NRDC: variants seen among roughly 807,000 people sequenced by gnomAD.
NRDC encodes nardilysin.
In NRDC, 54 loss-of-function variants were observed where a neutral mutation model predicts 147.1. The observed-to-expected ratio is 0.37, with a 90% CI of 0.29 to 0.46. NRDC has a LOEUF of 0.46. Ranked by LOEUF, NRDC falls within the 20% of genes least tolerant of loss-of-function variation. The pLI, the probability that NRDC is intolerant of heterozygous loss-of-function variation, is 1.00. For missense variants in NRDC, 1,082 were observed against 1,370.6 expected, an observed-to-expected ratio of 0.79 and a Z score of 3.33; for synonymous variants, 440 against 482.1, an observed-to-expected ratio of 0.91 and a Z score of 1.14.
intron 5 of NRDC, among the ~76,000 whole-genome samples, chr1:51,827,501 G>A (rs1447742144): frequency 2.0e-5 from 3 of 152,108 alleles, no homozygotes; most frequent in African/African-American, 7.2e-5. Flanking sequence ...CCCTATATAA[G>A]CACATTCTTT....
chr1:51,802,404 A>C (rs1234869884), intron 20 of NRDC, among the ~76,000 whole-genome samples: 1 of 152,208 alleles, frequency 6.6e-6, no homozygotes, highest in Admixed American at 6.5e-5. Context: ...TTTTAATATT[A>C]AGGCTAAGTC....
rs1393584966 is a variant in NRDC, at chr1:51,821,685, A to T, written c.1160-130T>A. ...TATTTTAATTTGGCCATTACTTGCC[A>T]CTCCTGAACCAGTAATGGATGAACA... is the stretch of plus-strand genomic sequence containing the variant. On this transcript the variant is annotated intron_variant, in intron 7 of 30. Coordinates refer to ENST00000352171, the MANE Select transcript of NRDC (RefSeq NM_001101662.2). 3 of 639,430 alleles carry T rather than the reference A, an allele frequency of 4.7e-6. No homozygotes were observed. The African/African-American group carries it at 5.5e-5, about 12-fold the overall frequency. The allele number at this position is 639,430 out of a possible 1,614,324, so 39.6% of individuals were successfully genotyped here.
chr1:51,863,861 C>G lies in NRDC; in HGVS notation c.341+14414G>C, dbSNP rs753500626. ...TATACAGATGCTCCTCGACTTACAA[C>G]AGGGTTAGGTCCTGAAAAACCCATC... On this transcript the variant is annotated intron_variant, in intron 1 of 30. Transcript: ENST00000352171. Among the ~76,000 whole-genome samples, 5 of 152,200 alleles carry G rather than the reference C, an allele frequency of 3.3e-5. No homozygotes were observed. In the South Asian group the frequency reaches 1.0e-3, roughly 32 times the overall value.
At chr1:51,821,598 C>A in intron 7 of NRDC, 43 bp from the exon 8 acceptor site, 2 of 1,293,822 alleles carry the variant, frequency 1.5e-6, no homozygotes, top group Non-Finnish European at 2.2e-6. Flanking sequence ...AATGCAATGA[C>A]ATTATTCAAG....
chr1:51,868,810 T>G (rs887187951), intron 1 of NRDC, among the ~76,000 whole-genome samples: 1 of 150,880 alleles, frequency 6.6e-6, no homozygotes, highest in African/African-American at 2.4e-5. Flanking sequence ...GAGGTGGAGG[T>G]TGCAGTGACC....
At chr1:51,867,380 TTA>T (rs1682862994) in intron 1 of NRDC, among the ~76,000 whole-genome samples, 1 of 152,036 alleles carries the variant, frequency 6.6e-6, no homozygotes, top group African/African-American at 2.4e-5. Flanking sequence ...ACAAGTAAAT[TTA>T]TGTCAAATGA....
intron 1 of NRDC, among the ~76,000 whole-genome samples, chr1:51,846,492 A>T (rs1003184696): frequency 2.0e-5 from 3 of 152,234 alleles, no homozygotes; most frequent in Non-Finnish European, 4.4e-5. Flanking sequence ...TGACTTCAAG[A>T]ATGAAGCCGC....
At chr1:51,792,120 A>AAT (rs1678685567) in intron 25 of NRDC, 22 bp from the exon 26 acceptor site, 2 of 1,613,418 alleles carry the variant, frequency 1.2e-6, no homozygotes, top group Non-Finnish European at 1.7e-6. Context: ...CATACTGCCC[A>AAT]TCAGCCCAAC....
intron 2 of NRDC, chr1:51,837,771 T>G (rs915989898): frequency 9.2e-5 from 54 of 589,134 alleles, no homozygotes; most frequent in South Asian, 8.2e-5. Flanking sequence ...TTATCAAACT[T>G]TTAAAATCAA....
intron 22 of NRDC, chr1:51,795,381 C>A (rs1027494605): frequency 6.0e-5 from 20 of 332,108 alleles, no homozygotes; most frequent in Non-Finnish European, 9.0e-5. Flanking sequence ...TATCAAAAGC[C>A]CTTGCCTGGT....
chr1:51,836,284 G>A, intron 2 of NRDC, 72 bp from the exon 3 acceptor site: 1 of 1,582,018 alleles, frequency 6.3e-7, no homozygotes, highest in South Asian at 1.1e-5. Context: ...TTATCTTAAG[G>A]ATTCATTTGG....
At chr1:51,842,387 A>G (rs758645714) in intron 1 of NRDC, among the ~76,000 whole-genome samples, 18 of 152,160 alleles carry the variant, frequency 1.2e-4, no homozygotes, top group Non-Finnish European at 2.2e-4. Context: ...ATGTAGTAAG[A>G]TATTGGTTCT....
chr1:51,791,868 A>G (rs992071429), intron 26 of NRDC, among the ~76,000 whole-genome samples, 178 bp downstream of exon 26: 2 of 152,182 alleles, frequency 1.3e-5, no homozygotes, highest in Non-Finnish European at 2.9e-5. Context: ...AAACTTGACC[A>G]AACTGAAAAC....
chr1:51,858,203 G>C (rs1459877242), intron 1 of NRDC, among the ~76,000 whole-genome samples: 1 of 152,170 alleles, frequency 6.6e-6, no homozygotes, highest in Non-Finnish European at 1.5e-5. Flanking sequence ...AATAGGGCCA[G>C]GTGTGGTGGC....
chr1:51,846,494 T>C (rs951293179), intron 1 of NRDC, among the ~76,000 whole-genome samples: 2 of 152,256 alleles, frequency 1.3e-5, no homozygotes, highest in Non-Finnish European at 2.9e-5. Context: ...ACTTCAAGAA[T>C]GAAGCCGCGG....
intron 23 of NRDC, 26 bp downstream of exon 23, chr1:51,794,797 C>A: frequency 6.2e-7 from 1 of 1,613,032 alleles, no homozygotes; most frequent in Non-Finnish European, 8.5e-7. Flanking sequence ...AACACATAAC[C>A]CCAAAGAGAA....
chr1:51,796,422 T>C (rs561420104), intron 22 of NRDC, among the ~76,000 whole-genome samples: 3 of 152,050 alleles, frequency 2.0e-5, no homozygotes, highest in Non-Finnish European at 4.4e-5. Flanking sequence ...GCATTTTTAA[T>C]AGAGACAGGT....
Position 51,791,582 on chromosome 1 carries a change from A to G in NRDC, c.2956T>C (p.Tyr986His). The G allele has an allele frequency of 1.2e-6, 2 of 1,610,574 alleles. No individual in the cohort carries two copies. The highest frequency in any genetic ancestry group is 2.2e-5 in the South Asian group (2 of 91,010). Residue 986 changes from tyrosine to histidine, a missense_variant, in exon 27 of 31, where the codon TAC becomes CAC. Around this residue, in one of 3 missense-constraint regions of NRDC, gnomAD observed 187 missense variants for 193.6 expected, o/e 0.97. Coordinates refer to ENST00000352171, the MANE Select transcript of NRDC (RefSeq NM_001101662.2). ...SVTVGTQATKYNSEVVDKKIE... is the reference protein window; with the variant it reads ...SVTVGTQATKHNSEVVDKKIE... ...TCTATTCACTCACTCACTCACTTGT[A>G]TTTGGTTGCCTGAGTCCCCACAGTG...
intron 11 of NRDC, among the ~76,000 whole-genome samples, chr1:51,815,188 T>C (rs75570241): frequency 1.4e-4 from 18 of 125,796 alleles, no homozygotes; most frequent in South Asian, 2.4e-4. Context: ...TTTTCTTTTT[T>C]TTTTTTTTTT....
Sources: gnomAD v4.1 joint callset for allele counts (sites outside exome capture counted in the v4.1 genomes callset) on GRCh38, gnomAD v4.1.1 for gene constraint, gnomAD v4.1.1 regional missense constraint, MANE v1.5 for transcripts, NCBI Gene and HGNC (gene_info 2026-07-23, HGNC 2026-07-21) for gene names.